SOX5: variants seen among roughly 807,000 people sequenced by gnomAD.
SOX5 encodes SRY-box transcription factor 5.
A neutral mutation model predicts 92.0 loss-of-function variants in SOX5; 9 were observed. That is an observed-to-expected ratio of 0.10 (90% confidence interval 0.06 to 0.17). The LOEUF is 0.17. Among genes scored for constraint, SOX5 ranks in the 10% least tolerant of loss-of-function variants. The pLI is 1.00. For missense variants in SOX5, 642 were observed against 944.5 expected (o/e 0.68, Z 4.20); for synonymous variants, 344 against 336.3 (o/e 1.02, Z -0.25).
chr12:23,891,522 A>C (rs2097129383), intron 2 of SOX5, among the ~76,000 whole-genome samples: 1 of 152,204 alleles, frequency 6.6e-6, no homozygotes, highest in East Asian at 1.9e-4. Context: ...AGGCAATACA[A>C]AATATATACC....
intron 3 of SOX5, among the ~76,000 whole-genome samples, chr12:24,263,547 A>AAAAAAAAAAAAC (rs1565781963): frequency 6.9e-6 from 1 of 144,934 alleles, no homozygotes. Flanking sequence ...AAAACAAAAA[A>AAAAAAAAAAAAC]AAAAACAAAA....
At chr12:23,642,806 G>GTCA (rs1592867496) in intron 7 of SOX5, among the ~76,000 whole-genome samples, 11 of 147,896 alleles carry the variant, frequency 7.4e-5, no homozygotes, top group East Asian at 2.1e-4. Flanking sequence ...GGTAATTATG[G>GTCA]GCCGGGCGCG....
chr12:24,136,689 A>G (rs944030313), intron 4 of SOX5, among the ~76,000 whole-genome samples: 1 of 152,232 alleles, frequency 6.6e-6, no homozygotes, highest in Non-Finnish European at 1.5e-5. Flanking sequence ...CTCCAAGCAT[A>G]TGCCTAAAGA....
chr12:24,446,558 T>C (rs1050386323), intron 1 of SOX5, among the ~76,000 whole-genome samples: 1 of 152,186 alleles, frequency 6.6e-6, no homozygotes, highest in Admixed American at 6.6e-5. Context: ...AGAAGCTTCA[T>C]GCACCAACAT....
At chr12:23,853,522 A>G (rs1568356237) in intron 2 of SOX5, among the ~76,000 whole-genome samples, 1 of 150,142 alleles carries the variant, frequency 6.7e-6, no homozygotes, top group Non-Finnish European at 1.5e-5. Flanking sequence ...TAGATGCTGC[A>G]TGGGCAAAAG....
intron 2 of SOX5, among the ~76,000 whole-genome samples, chr12:24,295,900 G>T (rs530623762): frequency 1.3e-5 from 2 of 152,168 alleles, no homozygotes; most frequent in South Asian, 4.2e-4. Flanking sequence ...CTTATTTGGT[G>T]TATCTAATAT....
chr12:23,838,991 C>T (rs1410986395), intron 3 of SOX5, among the ~76,000 whole-genome samples: 1 of 150,640 alleles, frequency 6.6e-6, no homozygotes, highest in Non-Finnish European at 1.5e-5. Context: ...AGGTGCCCAC[C>T]ACCACACCCA....
chr12:24,442,636 T>G (rs1940819536), intron 1 of SOX5, among the ~76,000 whole-genome samples: 1 of 152,156 alleles, frequency 6.6e-6, no homozygotes, highest in Admixed American at 6.5e-5. Context: ...GAGCAAGTCA[T>G]TGATTTAACT....
intron 4 of SOX5, among the ~76,000 whole-genome samples, chr12:23,963,774 A>AAAC (rs1233483667): frequency 1.3e-5 from 2 of 151,460 alleles, no homozygotes; most frequent in African/African-American, 4.8e-5. Flanking sequence ...GTAAAAAAAA[A>AAAC]AAAAAAAAAC....
intron 2 of SOX5, among the ~76,000 whole-genome samples, chr12:23,859,947 A>C (rs914412193): frequency 1.3e-5 from 2 of 152,224 alleles, no homozygotes; most frequent in African/African-American, 2.4e-5. Context: ...CAAATATACC[A>C]TAGAATATTA....
chr12:24,050,471 T>C (rs1957460887), intron 4 of SOX5, among the ~76,000 whole-genome samples: 1 of 152,146 alleles, frequency 6.6e-6, no homozygotes, highest in African/African-American at 2.4e-5. Context: ...TTAAAAAAAC[T>C]ACGATAGGCA....
At chr12:24,268,557 C>T (rs917455270) in intron 3 of SOX5, among the ~76,000 whole-genome samples, 1 of 152,080 alleles carries the variant, frequency 6.6e-6, no homozygotes, top group Non-Finnish European at 1.5e-5. Context: ...AGAAGATATA[C>T]GATCATATAA....
chr12:23,845,932 G>T, intron 3 of SOX5, 51 bp downstream of exon 3: 1 of 1,369,762 alleles, frequency 7.3e-7, no homozygotes, highest in Non-Finnish European at 1.0e-6. Flanking sequence ...TAAAATCAAA[G>T]TATTAAAATC....
chr12:24,041,526 C>T (rs1436401623), intron 4 of SOX5, among the ~76,000 whole-genome samples: 1 of 152,164 alleles, frequency 6.6e-6, no homozygotes, highest in African/African-American at 2.4e-5. Flanking sequence ...AATATAATAC[C>T]ATAACTACAT....
intron 8 of SOX5, among the ~76,000 whole-genome samples, chr12:23,625,095 A>T (rs2077604261): frequency 6.6e-6 from 1 of 152,228 alleles, no homozygotes; most frequent in African/African-American, 2.4e-5. Context: ...ACCATTTAAG[A>T]TAATAAGAAT....
intron 8 of SOX5, among the ~76,000 whole-genome samples, chr12:23,608,301 C>G (rs79370740): frequency 6.6e-6 from 1 of 151,998 alleles, no homozygotes. Flanking sequence ...GCTTTCCAGT[C>G]TTTCTATTGC....
At chr12:23,742,641 A>T (rs2093839056) in intron 4 of SOX5, among the ~76,000 whole-genome samples, 1 of 152,314 alleles carries the variant, frequency 6.6e-6, no homozygotes, top group South Asian at 2.1e-4. Context: ...TAGGAATACC[A>T]ATACACATCA....
intron 2 of SOX5, among the ~76,000 whole-genome samples, chr12:24,322,573 G>A (rs891536268): frequency 2.6e-5 from 4 of 152,040 alleles, no homozygotes; most frequent in African/African-American, 9.7e-5. Flanking sequence ...CTTTCCTCTT[G>A]TAAAAAGTCT....
intron 1 of SOX5, among the ~76,000 whole-genome samples, chr12:24,522,609 G>A (rs1409238692): frequency 6.6e-6 from 1 of 152,080 alleles, no homozygotes; most frequent in Non-Finnish European, 1.5e-5. Flanking sequence ...GGGATGTAAG[G>A]ATGATTCAAC....
Sources: allele counts gnomAD v4.1 joint callset (sites outside exome capture counted in the v4.1 genomes callset), GRCh38; gene constraint gnomAD v4.1.1; transcripts MANE v1.5; gene names NCBI Gene and HGNC (gene_info 2026-07-23, HGNC 2026-07-21).